Variants in CSMD1 observed in about 807,000 individuals in gnomAD.
The protein encoded by CSMD1 is CUB and Sushi multiple domains 1, also known as CUB and sushi domain-containing protein 1.
Under a neutral mutation model 417.5 loss-of-function variants are expected in CSMD1, and 213 were observed. The observed-to-expected ratio is 0.51, with a 90% confidence interval of 0.46 to 0.57. CSMD1 has a LOEUF of 0.57. Among genes scored for constraint, CSMD1 ranks in the 20% least tolerant of loss-of-function variants. CSMD1 has a pLI of 0.00. For missense variants in CSMD1, 6,923 were observed against 4,529.7 expected (o/e 1.53, Z -15.17); for synonymous variants, 2,862 against 1,736.8 (o/e 1.65, Z -16.11).
intron 1 of CSMD1, among the ~76,000 whole-genome samples, chr8:4,853,544 G>C (rs1801609177): frequency 1.3e-5 from 2 of 152,258 alleles, no homozygotes; most frequent in Admixed American, 1.3e-4. Flanking sequence ...GAAAGCCTGA[G>C]TGCTCAGGCA....
chr8:4,129,716 A>G (rs1296670668), intron 3 of CSMD1, among the ~76,000 whole-genome samples: 1 of 151,784 alleles, frequency 6.6e-6, no homozygotes, highest in African/African-American at 2.4e-5. Flanking sequence ...TTCATTCAGT[A>G]TTCAGTTTTC....
chr8:3,650,365 T>C (rs1199912095), intron 7 of CSMD1, among the ~76,000 whole-genome samples: 3 of 152,142 alleles, frequency 2.0e-5, no homozygotes, highest in African/African-American at 4.8e-5. Flanking sequence ...TTTACTTACA[T>C]GTGTTACCAT....
At chr8:3,797,829 A>C (rs1014807878) in intron 5 of CSMD1, among the ~76,000 whole-genome samples, 1 of 152,022 alleles carries the variant, frequency 6.6e-6, no homozygotes, top group Admixed American at 6.6e-5. Flanking sequence ...ATATAAAAGC[A>C]CTAACGATTG....
chr8:4,209,298 A>G lies in CSMD1; in HGVS notation c.416-177199T>C, dbSNP rs536817138. ...TCCTTCATTTCACAGCTTGCTCTTC[A>G]GTGGTTCCCATCTATGAGACATCTT... On this transcript the variant is annotated intron_variant, in intron 3 of 69. Transcript: ENST00000635120. 7.9e-5 allele frequency among the ~76,000 whole-genome samples: 12 copies of G among 152,284 alleles called. No homozygotes were observed. The South Asian group carries it at 1.0e-3, about 13-fold the overall frequency.
chr8:4,992,489 G>A (rs557473422), intron 1 of CSMD1, among the ~76,000 whole-genome samples: 1 of 152,302 alleles, frequency 6.6e-6, no homozygotes, highest in Admixed American at 6.5e-5. Flanking sequence ...AGGGGAAAGG[G>A]CGGGAAGTTT....
At chr8:4,081,308 T>C (rs1265810284) in intron 3 of CSMD1, among the ~76,000 whole-genome samples, 1 of 152,168 alleles carries the variant, frequency 6.6e-6, no homozygotes, top group Non-Finnish European at 1.5e-5. Context: ...AGCTCTATGG[T>C]CCCCTCCCAC....
intron 1 of CSMD1, among the ~76,000 whole-genome samples, chr8:4,737,898 T>C (rs762931996): frequency 1.3e-5 from 2 of 152,152 alleles, no homozygotes; most frequent in Non-Finnish European, 2.9e-5. Context: ...AATAAGGAAA[T>C]TGATAGCAAA....
At chr8:3,786,969 T>C (rs1799488238) in intron 5 of CSMD1, among the ~76,000 whole-genome samples, 1 of 152,170 alleles carries the variant, frequency 6.6e-6, no homozygotes, top group Non-Finnish European at 1.5e-5. Flanking sequence ...TCAATCCTCA[T>C]CATCTAGATT....
At chr8:2,957,986 G>T (rs1563180140) in intron 62 of CSMD1, among the ~76,000 whole-genome samples, 179 bp from the exon 63 acceptor site, 1 of 152,238 alleles carries the variant, frequency 6.6e-6, no homozygotes, top group Non-Finnish European at 1.5e-5. Flanking sequence ...TACACACAAT[G>T]TAGATTGCTC....
At chr8:3,621,987 GTGTA>G (rs752602470) in intron 7 of CSMD1, among the ~76,000 whole-genome samples, 3,638 of 120,712 alleles carry the variant, frequency 0.03, 59 homozygotes, top group Middle Eastern at 0.11. Context: ...TTGTGTGTGT[GTGTA>G]TGTGTGTGTG....
chr8:3,057,402 G>T (rs569176118), intron 49 of CSMD1, among the ~76,000 whole-genome samples: 1 of 152,056 alleles, frequency 6.6e-6, no homozygotes, highest in South Asian at 2.1e-4. Context: ...AAACACCTTA[G>T]GAAACACTAA....
chr8:2,952,790 C>A (rs775259552), intron 65 of CSMD1, among the ~76,000 whole-genome samples: 6 of 152,100 alleles, frequency 3.9e-5, no homozygotes, highest in Non-Finnish European at 8.8e-5. Context: ...AGGAATGGGC[C>A]AGGCCTGGCT....
intron 12 of CSMD1, among the ~76,000 whole-genome samples, chr8:3,432,190 G>A (rs925616306): frequency 1.3e-5 from 2 of 152,012 alleles, no homozygotes; most frequent in African/African-American, 2.4e-5. Context: ...ATTATAATCA[G>A]GAAGAGGCAT....
chr8:4,911,079 G>T (rs1007131298), intron 1 of CSMD1, among the ~76,000 whole-genome samples: 1 of 152,186 alleles, frequency 6.6e-6, no homozygotes, highest in African/African-American at 2.4e-5. Context: ...CCACGATTGT[G>T]AGGCCTCCCC....
intron 1 of CSMD1, among the ~76,000 whole-genome samples, chr8:4,930,128 A>G (rs887922549): frequency 5.3e-5 from 8 of 152,274 alleles, no homozygotes; most frequent in South Asian, 4.1e-4. Flanking sequence ...CCTTACATCA[A>G]TTGCGTTGAT....
Position 3,359,302 on chromosome 8 carries a change from C to T in CSMD1, c.3154G>A (p.Ala1052Thr). Reference sequence around the variant, plus strand: ...TGAAAACCAATTCTTCGGCTGAAGGCAGGGACTCCAGGATCATCACATGGC... The same window carrying T: ...TGAAAACCAATTCTTCGGCTGAAGGTAGGGACTCCAGGATCATCACATGGC... ...LEPCDDPGVP[A>T]FSRRIGFHFG... is the part of the protein sequence containing the mutation. Residue 1052 changes from alanine to threonine, a missense_variant, in exon 21 of 70, where the codon GCC becomes ACC. Ala to Thr is a moderately conservative substitution (Grantham distance 58). Transcript: ENST00000635120. The T allele has an allele frequency of 6.2e-7, 1 of 1,613,688 alleles. No homozygotes were observed. The highest frequency in any genetic ancestry group is 8.5e-7 in the Non-Finnish European group (1 of 1,179,824).
At chr8:3,514,777 T>A (rs939585357) in intron 10 of CSMD1, among the ~76,000 whole-genome samples, 25 of 152,144 alleles carry the variant, frequency 1.6e-4, no homozygotes, top group Non-Finnish European at 3.5e-4. Context: ...CTGCACATGA[T>A]CCTTTAGTGA....
At chr8:4,210,386 T>C (rs1263890562) in intron 3 of CSMD1, among the ~76,000 whole-genome samples, 4 of 152,352 alleles carry the variant, frequency 2.6e-5, no homozygotes, top group Non-Finnish European at 5.9e-5. Flanking sequence ...AACTTTTTCT[T>C]CTCAGGATTT....
intron 12 of CSMD1, among the ~76,000 whole-genome samples, chr8:3,456,779 C>G (rs529825084): frequency 1.3e-5 from 2 of 152,190 alleles, no homozygotes; most frequent in South Asian, 4.1e-4. Context: ...TGACCCATCC[C>G]CATTGCCCAT....
Sources: allele counts gnomAD v4.1 joint callset (sites outside exome capture counted in the v4.1 genomes callset), GRCh38; gene constraint gnomAD v4.1.1; transcripts MANE v1.5; gene names NCBI Gene and HGNC (gene_info 2026-07-23, HGNC 2026-07-21).